The following APOLD1 variants were observed in gnomAD, a reference collection of about 807,000 sequenced individuals.
APOLD1 encodes apolipoprotein L domain containing 1, also known as apolipoprotein L domain-containing protein 1.
A neutral mutation model predicts 15.3 loss-of-function variants in APOLD1; 22 were observed. The observed-to-expected ratio is 1.44, with a 90% CI of 1.03 to 2.05. The LOEUF is 2.05. Ranked by LOEUF, APOLD1 falls within the 30% of genes most tolerant of loss-of-function variation. APOLD1 has a pLI of 0.00. For missense variants in APOLD1, 394 were observed against 353.5 expected, an observed-to-expected ratio of 1.11 and a Z score of -0.92; for synonymous variants, 190 against 167.4, an observed-to-expected ratio of 1.13 and a Z score of -1.04.
intron 1 of APOLD1, among the ~76,000 whole-genome samples, chr12:12,778,558 G>C (rs1272743687): frequency 6.6e-6 from 1 of 151,492 alleles, no homozygotes; most frequent in Non-Finnish European, 1.5e-5. Flanking sequence ...AAACTCCTGG[G>C]CTCAAGCAAT....
intron 1 of APOLD1, among the ~76,000 whole-genome samples, chr12:12,750,372 C>CAAAAAAAAA: frequency 1.3e-5 from 1 of 75,392 alleles, no homozygotes; most frequent in Non-Finnish European, 2.5e-5. Context: ...GACTCTGTCT[C>CAAAAAAAAA]AAAAAAAAAA....
At chr12:12,745,002 G>T (rs563600361) in intron 1 of APOLD1, among the ~76,000 whole-genome samples, 1 of 152,094 alleles carries the variant, frequency 6.6e-6, no homozygotes, top group South Asian at 2.1e-4. Flanking sequence ...TCTACTTCTG[G>T]CCTGCTTTGA....
rs1259706382 is a variant in APOLD1 at position 12,787,114 on chromosome 12, C to T, written c.209C>T (p.Ala70Val). The change falls in exon 2 of 2, where the codon GCC (alanine) becomes GTC (valine). Residue 70 changes from alanine (A) to valine (V), a missense_variant. Transcript: ENST00000356591. This position sits in a 1 kb window ranked among gnomAD's most constrained non-coding sequence, Gnocchi z 4.9. ...CTGAGCGCAACGGGCGCCCTCGCCGCCATCGTGGGGCTCTCGCTCAGCCCG... is the reference window on the plus strand; with the variant it reads ...CTGAGCGCAACGGGCGCCCTCGCCGTCATCGTGGGGCTCTCGCTCAGCCCG... ...SSLSATGALA[A>V]IVGLSLSPVT... The T allele has an allele frequency of 7.0e-7, 1 of 1,430,586 alleles. No individual in the cohort carries two copies. The highest frequency in any genetic ancestry group is 9.1e-7 in the Non-Finnish European group (1 of 1,103,318). 88.6% of individuals were successfully genotyped at this position (1,430,586 alleles called of 1,614,324 possible).
At chr12:12,776,315 T>C (rs1420183892) in intron 1 of APOLD1, among the ~76,000 whole-genome samples, 1 of 152,214 alleles carries the variant, frequency 6.6e-6, no homozygotes, top group African/African-American at 2.4e-5. Context: ...GCAGGTGTTA[T>C]AATCCAGGCT....
At chr12:12,782,286 C>G (rs575547877), upstream of APOLD1, among the ~76,000 whole-genome samples, 1,070 of 137,370 alleles carry the variant, frequency 7.8e-3, 11 homozygotes, top group African/African-American at 0.028. Context: ...AACAAACAAA[C>G]AAACAAACAC....
chr12:12,759,990 A>C (rs1385800969), intron 1 of APOLD1, among the ~76,000 whole-genome samples: 1 of 152,240 alleles, frequency 6.6e-6, no homozygotes, highest in East Asian at 1.9e-4. Context: ...TCGGAACTAT[A>C]CAACACCATG....
chr12:12,738,664 TA>T (rs967951418), intron 1 of APOLD1, among the ~76,000 whole-genome samples: 89 of 151,414 alleles, frequency 5.9e-4, no homozygotes, highest in African/African-American at 2.1e-3. Flanking sequence ...GCCATAGAAT[TA>T]ATTGATTCTT....
intron 1 of APOLD1, among the ~76,000 whole-genome samples, chr12:12,757,594 A>C (rs1946865927): frequency 6.6e-6 from 1 of 152,114 alleles, no homozygotes; most frequent in South Asian, 2.1e-4. Flanking sequence ...CCACCCCCGA[A>C]AGCCCCTCTA....
In APOLD1 at chr12:12,787,547, C is replaced by A. The variant is rs1947142755; in HGVS notation, c.642C>A (p.Asp214Glu). The A allele has an allele frequency of 1.2e-6, 2 of 1,613,648 alleles. No individual in the cohort carries two copies. The highest frequency in any genetic ancestry group is 2.7e-5 in the African/African-American group (2 of 74,938). Reference sequence around the variant, plus strand: ...TGGAGTCCTGCACCGGGGCTCTGGACGAACTCAGCGAGCAGCTGGAGTCTC... The same window carrying A: ...TGGAGTCCTGCACCGGGGCTCTGGAAGAACTCAGCGAGCAGCTGGAGTCTC... Reference protein sequence around the residue: ...ESLESCTGALDELSEQLESRV... With the variant: ...ESLESCTGALEELSEQLESRV... Residue 214 changes from aspartate (D) to glutamate (E), a missense_variant, in exon 2 of 2, where the codon GAC becomes GAA. By Grantham distance (45) the Asp-to-Glu change is conservative. Transcript: ENST00000356591. The surrounding 1 kb of genome is among the most constrained non-coding windows in gnomAD (Gnocchi z 4.9).
At chr12:12,780,656 T>A in intron 1 of APOLD1, among the ~76,000 whole-genome samples, 1 of 148,376 alleles carries the variant, frequency 6.7e-6, no homozygotes, top group Non-Finnish European at 1.5e-5. Context: ...TGGAGCAATC[T>A]TGGCTCACTG....
chr12:12,789,433 A>G lies in APOLD1; in HGVS notation c.*1781A>G, dbSNP rs892981674. The G allele has an allele frequency of 2.0e-5, 3 of 152,244 alleles. No individual in the cohort carries two copies. Among genetic ancestry groups the G allele is most frequent in the Non-Finnish European group, 2.9e-5 (2 of 68,042 alleles). 9.4% of individuals were successfully genotyped at this position (152,244 alleles called of 1,614,324 possible). A position where few individuals can be genotyped will look rare whatever the true frequency, so the allele number is the denominator to read the frequency against. On this transcript the variant is annotated 3_prime_UTR_variant, in exon 2 of 2. Coordinates refer to ENST00000356591, the MANE Select transcript of APOLD1 (RefSeq NM_030817.3). ...GCATTGTGGGATATATAACTGAGGA[A>G]GCATATTTATCCTGAAGGTATTTTG... is the stretch of plus-strand genomic sequence containing the variant.
intron 1 of APOLD1, among the ~76,000 whole-genome samples, chr12:12,735,474 G>C (rs574334751): frequency 1.1e-4 from 16 of 152,226 alleles, no homozygotes; most frequent in African/African-American, 3.4e-4. Context: ...ACAGTCCAAG[G>C]CTGCAAGTCA....
At position 12,746,502 on chromosome 12, in the gene APOLD1, A is replaced by AATAAATAAATAAATAC. The variant is rs527722089; in HGVS notation, c.96+20414_96+20429dup. Among the ~76,000 whole-genome samples the AATAAATAAATAAATAC allele has an allele frequency of 1.2e-3, 138 of 118,580 alleles. 1 individual carries two copies. The highest frequency in any genetic ancestry group is 4.9e-3 in the African/African-American group (117 of 24,024). 77.8% of individuals were successfully genotyped at this position (118,580 alleles called of 152,430 possible). On this transcript the variant is annotated intron_variant, in intron 1 of 1. Transcript: ENST00000326765. ...CAAGAGTGAAACTCCATCTCAAATA[A>AATAAATAAATAAATAC]ATAAATAAATAAATACATAAATACA...
At chr12:12,729,395 G>A (rs144855943) in intron 1 of APOLD1, among the ~76,000 whole-genome samples, 10 of 152,176 alleles carry the variant, frequency 6.6e-5, no homozygotes, top group African/African-American at 4.8e-5. Context: ...TTCTGAGTAC[G>A]ACAATAAACA....
At chr12:12,746,932 T>C (rs1322906178) in intron 1 of APOLD1, among the ~76,000 whole-genome samples, 2 of 152,202 alleles carry the variant, frequency 1.3e-5, no homozygotes, top group African/African-American at 4.8e-5. Context: ...CTTAGGTTAA[T>C]GGTCCCCAGC....
At chr12:12,740,129 G>A (rs989386899) in intron 1 of APOLD1, among the ~76,000 whole-genome samples, 2 of 152,106 alleles carry the variant, frequency 1.3e-5, no homozygotes, top group South Asian at 2.1e-4. Context: ...CTACAGGTGC[G>A]TGCCACTACG....
At chr12:12,725,966 C>T in exon 1 of APOLD1, 1 of 1,440,204 alleles carries the variant, frequency 6.9e-7, no homozygotes, top group African/African-American at 1.5e-5. Flanking sequence ...TCTGCAGCTT[C>T]GCGGGGACAG....
chr12:12,765,869 C>G (rs1334033320), intron 1 of APOLD1, among the ~76,000 whole-genome samples: 7 of 152,134 alleles, frequency 4.6e-5, no homozygotes, highest in Admixed American at 4.6e-4. Context: ...GGTGCTGTCT[C>G]AAAAACACCC....
chr12:12,777,923 T>TTTTTTTTTTGTTG (rs1555092183), intron 1 of APOLD1, among the ~76,000 whole-genome samples: 2 of 121,646 alleles, frequency 1.6e-5, no homozygotes, highest in African/African-American at 3.3e-5. Flanking sequence ...TTTTTTTTTT[T>TTTTTTTTTTGTTG]TTGTTGTTGT....
Sources: allele counts gnomAD v4.1 joint callset (sites outside exome capture counted in the v4.1 genomes callset), GRCh38; gene constraint gnomAD v4.1.1; non-coding constraint Gnocchi (gnomAD v3.1); transcripts MANE v1.5; gene names NCBI Gene and HGNC (gene_info 2026-07-23, HGNC 2026-07-21).